The following CNTNAP2 variants were observed in gnomAD, a reference collection of about 807,000 sequenced individuals.
CNTNAP2 encodes the protein contactin associated protein 2, also known as contactin-associated protein-like 2.
In CNTNAP2, 98 loss-of-function variants were observed where a neutral mutation model predicts 155.2. That is an observed-to-expected ratio of 0.63 (90% confidence interval 0.54 to 0.75). The LOEUF (loss-of-function observed/expected upper bound fraction) is 0.75, where lower values mean the gene tolerates loss of function less well. Among genes scored for constraint, CNTNAP2 ranks in the 30% least tolerant of loss-of-function variants. The pLI is 0.00. For missense variants in CNTNAP2, 1,727 were observed against 1,688.1 expected (o/e 1.02, Z -0.40); for synonymous variants, 651 against 631.2 (o/e 1.03, Z -0.47).
chr7:147,689,931 A>T (rs1166194731), intron 13 of CNTNAP2, among the ~76,000 whole-genome samples: 2 of 152,116 alleles, frequency 1.3e-5, no homozygotes, highest in African/African-American at 2.4e-5. Flanking sequence ...CTAAAGCACC[A>T]ATGCAAATTA....
chr7:146,830,881 GA>G (rs1803495953), intron 2 of CNTNAP2, among the ~76,000 whole-genome samples: 1 of 152,142 alleles, frequency 6.6e-6, no homozygotes, highest in Non-Finnish European at 1.5e-5. Flanking sequence ...CATCATTAGA[GA>G]GCGCTCTTCA....
At chr7:146,331,938 A>C (rs974008981) in intron 1 of CNTNAP2, among the ~76,000 whole-genome samples, 1 of 152,224 alleles carries the variant, frequency 6.6e-6, no homozygotes, top group African/African-American at 2.4e-5. Context: ...GAAGCAGGCT[A>C]TCACATATTT....
At chr7:148,105,726 A>G (rs1411122857) in intron 15 of CNTNAP2, among the ~76,000 whole-genome samples, 1 of 152,002 alleles carries the variant, frequency 6.6e-6, no homozygotes, top group East Asian at 1.9e-4. Flanking sequence ...AGCTGGGACT[A>G]CAGGCACCTG....
intron 1 of CNTNAP2, among the ~76,000 whole-genome samples, chr7:146,170,770 G>A (rs34275666): frequency 0.055 from 8,303 of 152,208 alleles, 254 homozygotes; most frequent in Middle Eastern, 0.1. Context: ...GCTCACACCT[G>A]TAATCCTGGC....
chr7:147,424,530 T>A (rs1193951496), intron 10 of CNTNAP2, among the ~76,000 whole-genome samples: 1 of 152,124 alleles, frequency 6.6e-6, no homozygotes, highest in Non-Finnish European at 1.5e-5. Flanking sequence ...TTTTCTCATT[T>A]CCAAACAGTG....
intron 15 of CNTNAP2, among the ~76,000 whole-genome samples, chr7:147,999,202 C>G (rs1467827230): frequency 6.6e-6 from 1 of 152,068 alleles, no homozygotes; most frequent in Admixed American, 6.6e-5. Flanking sequence ...CCTGCCTCAG[C>G]CTCCTGAGTA....
At chr7:146,612,879 A>G (rs751323972) in intron 1 of CNTNAP2, among the ~76,000 whole-genome samples, 15 of 149,888 alleles carry the variant, frequency 1.0e-4, no homozygotes, top group Non-Finnish European at 1.5e-4. Flanking sequence ...ATCTTGTTCA[A>G]TGTTGTTTAA....
chr7:147,851,654 A>G (rs1255859057), intron 13 of CNTNAP2, among the ~76,000 whole-genome samples: 1 of 151,868 alleles, frequency 6.6e-6, no homozygotes, highest in Admixed American at 6.6e-5. Context: ...GCAAACTATC[A>G]CAAGGACAGA....
rs1444135496 is a variant in CNTNAP2 at position 146,221,360 on chromosome 7, GTTTAAATATACT to G, written c.97+104401_97+104412del. Among the ~76,000 whole-genome samples, 267 of 143,176 alleles carry G rather than the reference GTTTAAATATACT, an allele frequency of 1.9e-3. 1 individual carries two copies. Among genetic ancestry groups the G allele is most frequent in the African/African-American group, 6.6e-3 (220 of 33,090 alleles). The allele number at this position is 143,176 out of a possible 152,430, so 93.9% of individuals were successfully genotyped here. On this transcript the variant is annotated intron_variant, in intron 1 of 23. Transcript: ENST00000361727. Reference sequence around the variant, plus strand: ...CAGAAGGATATACGTATAAATATACGTTTAAATATACTTTTAAATATACTTATATTTAAACAA... The same window carrying G: ...CAGAAGGATATACGTATAAATATACGTTTAAATATACTTATATTTAAACAA...
At chr7:146,149,649 G>C (rs1240238077) in intron 1 of CNTNAP2, among the ~76,000 whole-genome samples, 1 of 152,016 alleles carries the variant, frequency 6.6e-6, no homozygotes, top group Admixed American at 6.6e-5. Context: ...ATGTAATGGA[G>C]AAAGGAAAAT....
intron 9 of CNTNAP2, among the ~76,000 whole-genome samples, chr7:147,335,900 CA>C (rs1795656339): frequency 6.6e-6 from 1 of 151,996 alleles, no homozygotes; most frequent in Admixed American, 6.6e-5. Flanking sequence ...GCAGCTGTAT[CA>C]TATTATACTA....
chr7:147,548,799 G>A (rs1799792813), intron 11 of CNTNAP2, among the ~76,000 whole-genome samples: 1 of 152,116 alleles, frequency 6.6e-6, no homozygotes, highest in Non-Finnish European at 1.5e-5. Context: ...GTAAGGAAGG[G>A]GTCCAGTTTC....
chr7:146,808,895 A>G (rs183541921), intron 2 of CNTNAP2, among the ~76,000 whole-genome samples: 52 of 152,272 alleles, frequency 3.4e-4, no homozygotes, highest in Admixed American at 7.9e-4. Flanking sequence ...TTTTATGGCT[A>G]ATATTACAGT....
At chr7:146,460,069 TG>T (rs1345284835) in intron 1 of CNTNAP2, among the ~76,000 whole-genome samples, 1 of 152,078 alleles carries the variant, frequency 6.6e-6, no homozygotes, top group Non-Finnish European at 1.5e-5. Flanking sequence ...CGGCCAAGCT[TG>T]GGATTTAGAA....
Position 147,079,999 on chromosome 7 carries a change from C to CTT in CNTNAP2, c.551-28131_551-28130dup, listed in dbSNP as rs33992262. Among the ~76,000 whole-genome samples the CTT allele has an allele frequency of 3.5e-4, 39 of 112,878 alleles. 1 individual carries two copies. Among genetic ancestry groups the CTT allele is most frequent in the African/African-American group, 7.9e-4 (24 of 30,558 alleles). The allele number at this position is 112,878 out of a possible 152,430, so 74.1% of individuals were successfully genotyped here. A position where few individuals can be genotyped will look rare whatever the true frequency, so the allele number is the denominator to read the frequency against. On this transcript the variant is annotated intron_variant, in intron 4 of 23. Coordinates refer to ENST00000361727, the MANE Select transcript of CNTNAP2 (RefSeq NM_014141.6). ...TAGAACCAGAATTCAAAGCCTAGTC[C>CTT]TTTTTTTTTTTTTTTTTTGCATAGC... is the stretch of plus-strand genomic sequence containing the variant.
At chr7:148,399,619 G>C (rs1057403376) in intron 22 of CNTNAP2, among the ~76,000 whole-genome samples, 1 of 152,086 alleles carries the variant, frequency 6.6e-6, no homozygotes, top group African/African-American at 2.4e-5. Context: ...CTCTTTGGCT[G>C]TTTTTTCCTA....
chr7:148,377,902 A>C lies in CNTNAP2; in HGVS notation c.3476-5747A>C, dbSNP rs1304285218. Among the ~76,000 whole-genome samples the C allele has an allele frequency of 1.6e-4, 11 of 68,102 alleles. 5 individuals are homozygous for C. In the Admixed American group the frequency reaches 1.8e-3, roughly 11 times the overall value. The allele number at this position is 68,102 out of a possible 152,430, so 44.7% of individuals were successfully genotyped here. On this transcript the variant is annotated intron_variant, in intron 21 of 23. Coordinates refer to ENST00000361727, the MANE Select transcript of CNTNAP2 (RefSeq NM_014141.6). The stretch of plus-strand genomic sequence containing the variant: ...TTTCCACTTTCAACACTTTATTATA[A>C]AATAGGTGTGTTAGATGACTTTACT...
intron 3 of CNTNAP2, among the ~76,000 whole-genome samples, chr7:146,868,912 T>C (rs1289275626): frequency 6.6e-6 from 1 of 152,202 alleles, no homozygotes; most frequent in Non-Finnish European, 1.5e-5. Context: ...GAAGTGCTTT[T>C]GGTCTGAGAC....
At chr7:146,131,977 G>A (rs1563133877) in intron 1 of CNTNAP2, among the ~76,000 whole-genome samples, 1 of 152,122 alleles carries the variant, frequency 6.6e-6, no homozygotes, top group South Asian at 2.1e-4. Context: ...TGCCGTGATT[G>A]TAAGTTTCCT....
Sources: allele counts gnomAD v4.1 joint callset (sites outside exome capture counted in the v4.1 genomes callset), GRCh38; gene constraint gnomAD v4.1.1; transcripts MANE v1.5; gene names NCBI Gene and HGNC (gene_info 2026-07-23, HGNC 2026-07-21).